The following ZPBP variants were observed in gnomAD, a reference collection of about 807,000 sequenced individuals.
ZPBP encodes the protein zona pellucida-binding protein 1.
In ZPBP, 26 loss-of-function variants were observed where a neutral mutation model predicts 44.8. The ratio of observed to expected loss-of-function variants is 0.58; its 90% CI spans 0.43 to 0.81. The LOEUF is 0.81. Among genes scored for constraint, ZPBP ranks in the 30% least tolerant of loss-of-function variants. ZPBP has a pLI of 0.00. For synonymous variants in ZPBP, 174 were observed against 153.2 expected (o/e 1.14, Z -1.00); for missense variants, 409 against 434.0 (o/e 0.94, Z 0.51).
At chr7:50,092,715 T>G in intron 1 of ZPBP, 1 of 175,354 alleles carries the variant, frequency 5.7e-6, no homozygotes, top group Non-Finnish European at 1.2e-5. Flanking sequence ...AGGTTGCCTA[T>G]TTGAAAGACA....
chr7:49,890,447 T>A (rs1240065597), intron 2 of ZPBP, among the ~76,000 whole-genome samples: 1 of 152,142 alleles, frequency 6.6e-6, no homozygotes, highest in Non-Finnish European at 1.5e-5. Context: ...GCTGTTTGAC[T>A]TTTTACAGAC....
Position 49,951,557 on chromosome 7 carries a change from A to T in ZPBP, c.962-13935T>A, listed in dbSNP as rs545676155. On this transcript the variant is annotated intron_variant, in intron 7 of 7. Transcript: ENST00000046087. ...GGTTAAACTTTTTTTTTTTTTTTTT[A>T]AAAAGGAAAATAGCAAGTGTTGGCC... 2.1e-3 allele frequency among the ~76,000 whole-genome samples: 303 copies of T among 147,104 alleles called. 1 individual carries two copies. In the East Asian group the frequency reaches 0.021, roughly 10 times the overall value.
chr7:50,058,776 C>T (rs1422037899), intron 3 of ZPBP, among the ~76,000 whole-genome samples: 2 of 152,142 alleles, frequency 1.3e-5, no homozygotes, highest in African/African-American at 4.8e-5. Context: ...TGTAAGCTCC[C>T]TTTTCATTTC....
intron 1 of ZPBP, chr7:49,912,468 A>G (rs1443521504): frequency 7.8e-6 from 2 of 257,424 alleles, no homozygotes; most frequent in African/African-American, 2.2e-5. Flanking sequence ...ATGTATTTCT[A>G]TAATCCCTCC....
intron 7 of ZPBP, chr7:49,943,240 CT>C: frequency 3.2e-6 from 1 of 309,934 alleles, no homozygotes; most frequent in Non-Finnish European, 6.4e-6. Flanking sequence ...TCTGGCTTTA[CT>C]TGTTCAAGTA....
intron 3 of ZPBP, among the ~76,000 whole-genome samples, chr7:50,076,715 A>C (rs151036860): frequency 6.6e-6 from 1 of 151,746 alleles, no homozygotes; most frequent in Non-Finnish European, 1.5e-5. Flanking sequence ...TATAATGAAA[A>C]CTATAAAACA....
At chr7:49,897,810 C>T (rs776340429) in intron 2 of ZPBP, among the ~76,000 whole-genome samples, 1 of 152,138 alleles carries the variant, frequency 6.6e-6, no homozygotes, top group Non-Finnish European at 1.5e-5. Flanking sequence ...TAAAAAACTC[C>T]ACAGGGATTC....
intron 2 of ZPBP, among the ~76,000 whole-genome samples, chr7:49,867,260 A>G (rs1039998559): frequency 6.6e-6 from 1 of 152,210 alleles, no homozygotes; most frequent in African/African-American, 2.4e-5. Flanking sequence ...TGACCAAACT[A>G]TCACTAAAAA....
chr7:49,984,984 A>T (rs917648860), intron 6 of ZPBP, among the ~76,000 whole-genome samples: 2 of 152,146 alleles, frequency 1.3e-5, no homozygotes, highest in Non-Finnish European at 2.9e-5. Flanking sequence ...AGTTTTCTCC[A>T]GGTACTCTGG....
At chr7:50,081,928 A>G (rs368660748) in intron 2 of ZPBP, 29 bp from the exon 3 acceptor site, 30 of 1,605,946 alleles carry the variant, frequency 1.9e-5, no homozygotes, top group Middle Eastern at 1.9e-4. Flanking sequence ...AAATGTTCCA[A>G]TAGTATTTTA....
At chr7:50,078,179 T>C (rs950744694) in intron 3 of ZPBP, among the ~76,000 whole-genome samples, 10 of 151,462 alleles carry the variant, frequency 6.6e-5, no homozygotes, top group African/African-American at 2.4e-4. Context: ...GTCTGTAGGA[T>C]CTAAAAATCA....
chr7:49,936,024 A>C (rs1794609468), downstream of ZPBP: 1 of 152,222 alleles, frequency 6.6e-6, no homozygotes, highest in African/African-American at 2.4e-5. Flanking sequence ...AAAGTAAGCA[A>C]ACATAAGGAA....
chr7:49,896,259 T>C (rs1245715211), intron 2 of ZPBP, among the ~76,000 whole-genome samples: 1 of 152,178 alleles, frequency 6.6e-6, no homozygotes, highest in Non-Finnish European at 1.5e-5. Flanking sequence ...AAGAATCGCT[T>C]GAACCCAGAA....
downstream of ZPBP, among the ~76,000 whole-genome samples, chr7:49,846,615 GTTATTA>G (rs1415185277): frequency 6.6e-6 from 1 of 152,096 alleles, no homozygotes; most frequent in Non-Finnish European, 1.5e-5. Context: ...TTATTACACT[GTTATTA>G]TTATTGCCAT....
At chr7:49,935,171 C>A (rs2128751258), downstream of ZPBP, among the ~76,000 whole-genome samples, 1 of 152,110 alleles carries the variant, frequency 6.6e-6, no homozygotes, top group Non-Finnish European at 1.5e-5. Context: ...ATGATCTATT[C>A]ATTAATTTAA....
At chr7:49,982,669 T>C (rs1030425676) in intron 7 of ZPBP, among the ~76,000 whole-genome samples, 2 of 151,788 alleles carry the variant, frequency 1.3e-5, no homozygotes, top group African/African-American at 2.4e-5. Context: ...TATTCTCTTA[T>C]GGCAATATGA....
chr7:49,926,745 G>T (rs558753579), intron 1 of ZPBP, among the ~76,000 whole-genome samples: 1 of 152,308 alleles, frequency 6.6e-6, no homozygotes, highest in South Asian at 2.1e-4. Context: ...AGTTTAAAAT[G>T]TCTGTAAGAG....
At chr7:49,941,712 A>T (rs1037515989) in intron 7 of ZPBP, among the ~76,000 whole-genome samples, 1 of 152,158 alleles carries the variant, frequency 6.6e-6, no homozygotes, top group African/African-American at 2.4e-5. Context: ...ACACCACACA[A>T]AGCTATTGAT....
Position 49,877,481 on chromosome 7 carries a change from A to AAAAATATACATAC in ZPBP, n.509+23636_509+23637insGTATGTATATTTT. On this transcript the variant is annotated intron_variant and non_coding_transcript_variant, in intron 2 of 2. Transcript: ENST00000465922. ...CTGTCTCAAAAAAAAAAAAAAAAAAAATATATATATATATATATATATATA... is the reference window on the plus strand; with the variant it reads ...CTGTCTCAAAAAAAAAAAAAAAAAAAAAAATATACATACATATATATATATATATATATATATA... Among the ~76,000 whole-genome samples the AAAAATATACATAC allele has an allele frequency of 7.9e-4, 10 of 12,722 alleles. 3 individuals carry two copies. Among genetic ancestry groups the AAAAATATACATAC allele is most frequent in the Admixed American group, 1.4e-3 (1 of 712 alleles). 8.3% of individuals were successfully genotyped at this position (12,722 alleles called of 152,430 possible). A position where few individuals can be genotyped will look rare whatever the true frequency, so the allele number is the denominator to read the frequency against.
Sources: allele counts gnomAD v4.1 joint callset (sites outside exome capture counted in the v4.1 genomes callset), GRCh38; gene constraint gnomAD v4.1.1; transcripts MANE v1.5; gene names NCBI Gene and HGNC (gene_info 2026-07-23, HGNC 2026-07-21).